LRMDA: variants seen among roughly 807,000 people sequenced by gnomAD.
The protein encoded by LRMDA is leucine rich melanocyte differentiation associated.
A neutral mutation model predicts 29.8 loss-of-function variants in LRMDA; 18 were observed. The ratio of observed to expected loss-of-function variants is 0.60; its 90% CI spans 0.42 to 0.90. LRMDA has a LOEUF of 0.90. LRMDA is among the 40% of genes least tolerant of loss of function. The pLI is 0.00. For synonymous variants in LRMDA, 125 were observed against 109.4 expected, an observed-to-expected ratio of 1.14 and a Z score of -0.89; for missense variants, 273 against 273.9, an observed-to-expected ratio of 1.00 and a Z score of 0.02.
chr10:75,520,495 G>C (rs546844746), intron 2 of LRMDA, among the ~76,000 whole-genome samples: 2 of 152,166 alleles, frequency 1.3e-5, no homozygotes, highest in South Asian at 4.2e-4. Flanking sequence ...TGCCTGCCTC[G>C]TGAAGTTCTT....
At chr10:75,637,840 C>T (rs977469517) in intron 2 of LRMDA, among the ~76,000 whole-genome samples, 35 of 152,096 alleles carry the variant, frequency 2.3e-4, no homozygotes, top group Admixed American at 1.3e-4. Flanking sequence ...ACTGTCAGCC[C>T]GGCTGGCAGG....
At chr10:75,963,191 C>T (rs184713440) in intron 2 of LRMDA, among the ~76,000 whole-genome samples, 102 of 152,250 alleles carry the variant, frequency 6.7e-4, no homozygotes, top group Non-Finnish European at 1.1e-3. Flanking sequence ...TTACTTTTTG[C>T]TTTGACATCC....
intron 5 of LRMDA, among the ~76,000 whole-genome samples, chr10:76,106,461 T>TA (rs1404886370): frequency 6.6e-6 from 1 of 152,236 alleles, no homozygotes; most frequent in Non-Finnish European, 1.5e-5. Context: ...TGTTGGTCTT[T>TA]AGCCATGAAA....
At chr10:75,582,134 C>T (rs1353468597) in intron 2 of LRMDA, among the ~76,000 whole-genome samples, 1 of 152,152 alleles carries the variant, frequency 6.6e-6, no homozygotes, top group African/African-American at 2.4e-5. Context: ...CTTGCTGGAT[C>T]TACTGTTCTG....
intron 2 of LRMDA, among the ~76,000 whole-genome samples, chr10:75,859,161 A>G (rs1297950494): frequency 2.6e-5 from 4 of 152,192 alleles, no homozygotes; most frequent in Admixed American, 2.6e-4. Context: ...GGTGTCACAT[A>G]AGTAATGAAT....
intron 2 of LRMDA, among the ~76,000 whole-genome samples, chr10:75,440,041 A>T (rs1589144934): frequency 6.6e-6 from 1 of 151,546 alleles, no homozygotes; most frequent in Admixed American, 6.6e-5. Flanking sequence ...GCATCAGTGC[A>T]TGTGGATCAT....
intron 2 of LRMDA, among the ~76,000 whole-genome samples, chr10:75,461,057 C>T (rs551728404): frequency 2.6e-5 from 4 of 152,300 alleles, no homozygotes; most frequent in Non-Finnish European, 4.4e-5. Context: ...TAGCTAGGTT[C>T]GTGGTTGAGG....
intron 2 of LRMDA, among the ~76,000 whole-genome samples, chr10:75,811,805 C>G (rs1056475387): frequency 3.3e-5 from 5 of 152,172 alleles, no homozygotes; most frequent in Admixed American, 6.5e-5. Context: ...TGTGTTGGCT[C>G]ATTCAGCAAA....
At chr10:75,655,568 A>G (rs1841658833) in intron 2 of LRMDA, among the ~76,000 whole-genome samples, 1 of 152,208 alleles carries the variant, frequency 6.6e-6, no homozygotes, top group Non-Finnish European at 1.5e-5. Flanking sequence ...TGGGAGAGTC[A>G]GTTTTTGGGT....
At chr10:76,338,257 G>T (rs757132765) in intron 6 of LRMDA, among the ~76,000 whole-genome samples, 1 of 151,982 alleles carries the variant, frequency 6.6e-6, no homozygotes, top group African/African-American at 2.4e-5. Context: ...TATACCTGAC[G>T]TAGGAGGACT....
chr10:75,913,398 G>C (rs1282685687), intron 2 of LRMDA, among the ~76,000 whole-genome samples: 1 of 152,192 alleles, frequency 6.6e-6, no homozygotes, highest in Non-Finnish European at 1.5e-5. Flanking sequence ...AGAGGTTGCA[G>C]TGAGCCAAGA....
chr10:75,781,293 G>A (rs779779937), intron 2 of LRMDA, among the ~76,000 whole-genome samples: 4 of 152,012 alleles, frequency 2.6e-5, no homozygotes, highest in South Asian at 2.1e-4. Context: ...AATAACCTCC[G>A]ATACATTTTT....
intron 2 of LRMDA, among the ~76,000 whole-genome samples, chr10:75,506,483 G>GTT (rs200291163): frequency 7.9e-5 from 2 of 25,458 alleles, no homozygotes; most frequent in African/African-American, 5.9e-4. Flanking sequence ...CATTTCTGTT[G>GTT]TTTTTTTTTG....
At chr10:76,157,763 G>A (rs1395267663) in intron 5 of LRMDA, among the ~76,000 whole-genome samples, 1 of 151,822 alleles carries the variant, frequency 6.6e-6, no homozygotes, top group African/African-American at 2.4e-5. Flanking sequence ...TTAGCAATGG[G>A]GATACATTCT....
At chr10:76,170,970 A>T (rs1253956183) in intron 5 of LRMDA, among the ~76,000 whole-genome samples, 2 of 152,238 alleles carry the variant, frequency 1.3e-5, no homozygotes, top group Non-Finnish European at 2.9e-5. Flanking sequence ...ATGTACAATA[A>T]ATATCAACTA....
At chr10:76,023,363 C>A (rs960645642) in intron 2 of LRMDA, among the ~76,000 whole-genome samples, 7 of 152,220 alleles carry the variant, frequency 4.6e-5, no homozygotes, top group African/African-American at 1.7e-4. Context: ...TCTCCCCTAA[C>A]TTTCCCCTTC....
chr10:75,685,139 T>C (rs1842066173), intron 2 of LRMDA, among the ~76,000 whole-genome samples: 1 of 152,190 alleles, frequency 6.6e-6, no homozygotes, highest in Non-Finnish European at 1.5e-5. Context: ...TTGTTGGATG[T>C]AAAGCTGCTG....
intron 5 of LRMDA, among the ~76,000 whole-genome samples, chr10:76,195,856 A>T (rs1033025766): frequency 6.6e-6 from 1 of 152,240 alleles, no homozygotes; most frequent in African/African-American, 2.4e-5. Context: ...GGGTCATGTG[A>T]CTGACCCACT....
At chr10:75,823,868 C>T (rs1445915989) in intron 2 of LRMDA, among the ~76,000 whole-genome samples, 2 of 152,112 alleles carry the variant, frequency 1.3e-5, no homozygotes, top group Non-Finnish European at 2.9e-5. Flanking sequence ...CATCCATTAT[C>T]CTTAGTGAAA....
Sources: allele counts gnomAD v4.1 joint callset (sites outside exome capture counted in the v4.1 genomes callset), GRCh38; gene constraint gnomAD v4.1.1; transcripts MANE v1.5; gene names NCBI Gene and HGNC (gene_info 2026-07-23, HGNC 2026-07-21).